FAM220A: variants seen among roughly 807,000 people sequenced by gnomAD.
FAM220A encodes the protein family with sequence similarity 220 member A.
For synonymous variants in FAM220A, 141 were observed against 130.7 expected (o/e 1.08, Z -0.54); for missense variants, 392 against 321.6 (o/e 1.22, Z -1.68).
chr7:6,341,360 G>A (rs546538380), intron 1 of FAM220A, among the ~76,000 whole-genome samples: 198 of 149,748 alleles, frequency 1.3e-3, no homozygotes, highest in Non-Finnish European at 2.1e-3. Flanking sequence ...GGAGAATGGT[G>A]TGAACCGGGA....
At chr7:6,332,854 C>T (rs1347359585) in intron 1 of FAM220A, among the ~76,000 whole-genome samples, 13 of 152,026 alleles carry the variant, frequency 8.6e-5, no homozygotes, top group South Asian at 2.1e-4. Flanking sequence ...GATGTATAAC[C>T]GCATTAAGAT....
intron 1 of FAM220A, among the ~76,000 whole-genome samples, chr7:6,340,447 G>A (rs572668388): frequency 4.6e-5 from 7 of 152,108 alleles, no homozygotes; most frequent in African/African-American, 1.7e-4. Flanking sequence ...TCAGTAGAAG[G>A]GCAGAGGCCG....
At chr7:6,331,840 G>C (rs1340084961) in intron 1 of FAM220A, among the ~76,000 whole-genome samples, 2 of 148,620 alleles carry the variant, frequency 1.3e-5, no homozygotes, top group African/African-American at 2.5e-5. Context: ...TCTCAGGTTC[G>C]AGCGATTCTC....
At chr7:6,342,273 G>A (rs999179167) in intron 1 of FAM220A, among the ~76,000 whole-genome samples, 4 of 150,624 alleles carry the variant, frequency 2.7e-5, no homozygotes, top group South Asian at 2.1e-4. Flanking sequence ...GGCTGGGTGC[G>A]GTGGCTCACA....
At chr7:6,335,413 G>C (rs1340520707) in intron 1 of FAM220A, among the ~76,000 whole-genome samples, 2 of 151,738 alleles carry the variant, frequency 1.3e-5, no homozygotes, top group Non-Finnish European at 2.9e-5. Flanking sequence ...ATTTTTAGTA[G>C]AGATGGTGTT....
chr7:6,330,916 C>T lies in FAM220A; in HGVS notation c.239G>A (p.Gly80Asp), dbSNP rs1431735112. 1 of 1,614,226 alleles carries T rather than the reference C, an allele frequency of 6.2e-7. No individual in the cohort carries two copies. Among genetic ancestry groups the T allele is most frequent in the Non-Finnish European group, 8.5e-7 (1 of 1,180,044 alleles). The part of the protein sequence containing the change: ...SGAGLWLHSG[G>D]PVLPYVRESV... Reference sequence around the variant, plus strand: ...TTCTCTCACATATGGAAGCACTGGGCCGCCACTGTGAAGCCAGAGGCCAGC... The same window carrying T: ...TTCTCTCACATATGGAAGCACTGGGTCGCCACTGTGAAGCCAGAGGCCAGC... The change falls in exon 2 of 2, where the codon GGC becomes GAC. Residue 80 changes from glycine to aspartate, a missense_variant. Coordinates refer to ENST00000313324, the MANE Select transcript of FAM220A (RefSeq NM_001037163.2).
Position 6,330,939 on chromosome 7 carries a change from A to G in FAM220A, c.216T>C (p.Ala72=), listed in dbSNP as rs61996356. Residue 72 remains alanine, a synonymous_variant, in exon 2 of 2, where the codon GCT becomes GCC. Transcript: ENST00000313324. Reference sequence around the variant, plus strand: ...GGCCGCCACTGTGAAGCCAGAGGCCAGCCCCGCTCGGATCCTTTCTCATTT... The same window carrying G: ...GGCCGCCACTGTGAAGCCAGAGGCCGGCCCCGCTCGGATCCTTTCTCATTT... The part of the protein sequence containing the change: ...SLEMRKDPSG[A]GLWLHSGGPV... 0.012 allele frequency: 19,677 copies of G among 1,614,242 alleles called. 150 individuals are homozygous for G. The highest frequency in any genetic ancestry group is 0.014 in the Non-Finnish European group (16,462 of 1,180,038).
intron 1 of FAM220A, among the ~76,000 whole-genome samples, chr7:6,333,458 A>C (rs531883108): frequency 3.9e-5 from 6 of 152,248 alleles, no homozygotes; most frequent in African/African-American, 1.4e-4. Context: ...GAAAGAAAGA[A>C]GGCTGTGATC....
In FAM220A at chr7:6,330,027, A is replaced by G; in HGVS notation, c.*348T>C. 7.8e-6 allele frequency: 2 copies of G among 257,034 alleles called. No homozygotes were observed. The highest frequency in any genetic ancestry group is 6.5e-5 in the South Asian group (1 of 15,370). 15.9% of individuals were successfully genotyped at this position (257,034 alleles called of 1,614,324 possible). ...CCATTGGGTGATCAGACAAGTCAAAAGGACACACAGGATTTGGGACAGTAG... is the reference window on the plus strand; with the variant it reads ...CCATTGGGTGATCAGACAAGTCAAAGGGACACACAGGATTTGGGACAGTAG... On this transcript the variant is annotated 3_prime_UTR_variant, in exon 2 of 2. Coordinates refer to ENST00000313324, the MANE Select transcript of FAM220A (RefSeq NM_001037163.2).
chr7:6,334,128 G>A (rs1232389026), intron 1 of FAM220A, among the ~76,000 whole-genome samples: 2 of 151,630 alleles, frequency 1.3e-5, no homozygotes, highest in Non-Finnish European at 2.9e-5. Context: ...TTACAAGCGT[G>A]AGCCACCGCA....
chr7:6,333,251 G>A (rs1273121400), intron 1 of FAM220A, among the ~76,000 whole-genome samples: 1 of 152,030 alleles, frequency 6.6e-6, no homozygotes, highest in Non-Finnish European at 1.5e-5. Context: ...GGAGAAAGCA[G>A]GGAGAGTTTA....
chr7:6,344,149 A>G (rs1444909380), intron 1 of FAM220A, among the ~76,000 whole-genome samples: 1 of 143,668 alleles, frequency 7.0e-6, no homozygotes, highest in Non-Finnish European at 1.5e-5. Flanking sequence ...GAAGAACAAG[A>G]AAAAAAAAAA....
chr7:6,330,380 T>C lies in FAM220A; in HGVS notation c.775A>G (p.Ser259Gly). The C allele has an allele frequency of 6.2e-7, 1 of 1,609,970 alleles. No individual in the cohort carries two copies. The highest frequency in any genetic ancestry group is 2.2e-5 in the East Asian group (1 of 44,856). Residue 259 changes from serine to glycine, a missense_variant, in exon 2 of 2, where the codon AGT (serine) becomes GGT (glycine). Ser to Gly is a moderately conservative substitution (Grantham distance 56). Coordinates refer to ENST00000313324, the MANE Select transcript of FAM220A (RefSeq NM_001037163.2). ...PFELANTLCH[S>G] The stretch of plus-strand genomic sequence containing the variant: ...GGTATTGTTCTGCTTGTACCTTAAC[T>C]ATGGCATAATGTATTTGCTAATTCA...
At chr7:6,336,551 C>G (rs191100163) in intron 1 of FAM220A, among the ~76,000 whole-genome samples, 8 of 151,854 alleles carry the variant, frequency 5.3e-5, no homozygotes, top group Admixed American at 2.6e-4. Context: ...TATGGTTGCA[C>G]ATGCCTATAA....
Position 6,348,854 on chromosome 7 carries a change from G to C in FAM220A, c.-363C>G, listed in dbSNP as rs1201297843. ...CGCCTGGCGTGCTCAGGGAGCGAAG[G>C]AGGCGGCGGCTAGACCGGCGGGCGG... On this transcript the variant is annotated 5_prime_UTR_variant, in exon 1 of 2. Coordinates refer to ENST00000313324, the MANE Select transcript of FAM220A (RefSeq NM_001037163.2). The C allele has an allele frequency of 5.1e-6, 2 of 391,474 alleles. No individual in the cohort carries two copies. The highest frequency in any genetic ancestry group is 9.0e-6 in the Non-Finnish European group (2 of 221,904). 24.3% of individuals were successfully genotyped at this position (391,474 alleles called of 1,614,324 possible). A position where few individuals can be genotyped will look rare whatever the true frequency, so the allele number is the denominator to read the frequency against.
rs562110065 is a variant in FAM220A at position 6,330,429 on chromosome 7, C to T, written c.726G>A (p.Leu242=). 2.0e-5 allele frequency: 32 copies of T among 1,614,138 alleles called. No homozygotes were observed. In the East Asian group the frequency reaches 7.1e-4, roughly 36 times the overall value. Residue 242 remains leucine, a synonymous_variant, in exon 2 of 2, where the codon CTG becomes CTA. Transcript: ENST00000313324. The part of the protein sequence containing the change: ...KSTSDGLQIT[L]GLLALQPFEL... ...CAAAAGGTTGCAGAGCCAGTAACCC[C>T]AGTGTTATCTGCAGACCATCTGAGG...
chr7:6,339,212 A>G (rs972346489), intron 1 of FAM220A, among the ~76,000 whole-genome samples: 2 of 152,224 alleles, frequency 1.3e-5, no homozygotes, highest in South Asian at 2.1e-4. Context: ...TCACACCTGT[A>G]ATCCCAGTAC....
rs1477665223 is a variant in FAM220A at position 6,330,450 on chromosome 7, T to C, written c.705A>G (p.Ser235=). 2.5e-6 allele frequency: 4 copies of C among 1,614,208 alleles called. No individual in the cohort carries two copies. The highest frequency in any genetic ancestry group is 3.4e-6 in the Non-Finnish European group (4 of 1,180,042). The part of the protein sequence containing the change: ...IEFKKMLKST[S]DGLQITLGLL... ...ACCCCAGTGTTATCTGCAGACCATC[T>C]GAGGTGCTTTTAAGCATTTTCTTGA... The change falls in exon 2 of 2, where the codon TCA becomes TCG. Residue 235 remains serine (S), a synonymous_variant. Transcript: ENST00000313324.
Position 6,348,857 on chromosome 7 carries a change from G to A in FAM220A, c.-366C>T. The A allele has an allele frequency of 2.6e-6, 1 of 390,458 alleles. No individual in the cohort carries two copies. Among genetic ancestry groups the A allele is most frequent in the Non-Finnish European group, 4.5e-6 (1 of 221,198 alleles). 24.2% of individuals were successfully genotyped at this position (390,458 alleles called of 1,614,324 possible). ...CTGGCGTGCTCAGGGAGCGAAGGAG[G>A]CGGCGGCTAGACCGGCGGGCGGGCG... On this transcript the variant is annotated 5_prime_UTR_variant, in exon 1 of 2. Transcript: ENST00000313324.
Sources: allele counts gnomAD v4.1 joint callset (sites outside exome capture counted in the v4.1 genomes callset), GRCh38; gene constraint gnomAD v4.1.1; transcripts MANE v1.5; gene names NCBI Gene and HGNC (gene_info 2026-07-23, HGNC 2026-07-21).